Variants in CEP128 observed in about 807,000 individuals in gnomAD.
CEP128 encodes the protein centrosomal protein 128.
CEP128 carries 132 observed loss-of-function variants against 156.7 expected under a neutral mutation model. The observed-to-expected ratio is 0.84, with a 90% CI of 0.73 to 0.97. The LOEUF (loss-of-function observed/expected upper bound fraction) is 0.97, where lower values mean the gene tolerates loss of function less well. Ranked by LOEUF, CEP128 falls within the 50% of genes least tolerant of loss-of-function variation. The pLI is 0.00. For synonymous variants in CEP128, 469 were observed against 448.9 expected, an observed-to-expected ratio of 1.04 and a Z score of -0.57; for missense variants, 1,252 against 1,281.9, an observed-to-expected ratio of 0.98 and a Z score of 0.36.
Position 80,792,774 on chromosome 14 carries a change from C to T in CEP128, c.1546G>A (p.Gly516Ser). 6.2e-7 allele frequency: 1 copy of T among 1,613,626 alleles called. No individual in the cohort carries two copies. The highest frequency in any genetic ancestry group is 8.5e-7 in the Non-Finnish European group (1 of 1,179,614). The change falls in exon 14 of 25, where the codon GGC (glycine) becomes AGC (serine). Residue 516 changes from glycine (G) to serine (S), a missense_variant. By Grantham distance (56) the Gly-to-Ser change is moderately conservative. Coordinates refer to ENST00000555265, the MANE Select transcript of CEP128 (RefSeq NM_152446.5). The part of the protein sequence containing the change: ...KQSETVDELT[G>S]KNNQILKEKD... ...GGCTTTTATACCTGATTATTCTTGC[C>T]TGTCAGTTCATCAACAGTTTCAGAT...
chr14:80,606,433 A>G (rs779041732), intron 19 of CEP128, among the ~76,000 whole-genome samples: 1 of 152,084 alleles, frequency 6.6e-6, no homozygotes, highest in Non-Finnish European at 1.5e-5. Context: ...AGGCTCTGTA[A>G]ACACTACCAG....
chr14:80,820,082 A>G (rs546309316), intron 13 of CEP128, among the ~76,000 whole-genome samples: 18 of 152,310 alleles, frequency 1.2e-4, no homozygotes, highest in African/African-American at 4.3e-4. Flanking sequence ...AATTTCAATT[A>G]TATTTTGGAT....
intron 19 of CEP128, among the ~76,000 whole-genome samples, chr14:80,595,237 C>T (rs936919991): frequency 6.6e-6 from 1 of 152,016 alleles, no homozygotes; most frequent in Non-Finnish European, 1.5e-5. Context: ...AACCAAACAC[C>T]GTGTGTTCTC....
At chr14:80,932,641 G>T (rs1027260246) in intron 2 of CEP128, among the ~76,000 whole-genome samples, 2 of 152,106 alleles carry the variant, frequency 1.3e-5, no homozygotes, top group African/African-American at 4.8e-5. Flanking sequence ...CCCAAGACGG[G>T]ACTGTCTAGT....
At chr14:80,682,899 A>G (rs1177143972) in intron 19 of CEP128, among the ~76,000 whole-genome samples, 1 of 152,158 alleles carries the variant, frequency 6.6e-6, no homozygotes, top group Non-Finnish European at 1.5e-5. Context: ...GTGCTAAGGG[A>G]ATTTGTTACC....
At chr14:80,905,242 C>G (rs1883816598) in intron 5 of CEP128, among the ~76,000 whole-genome samples, 1 of 151,994 alleles carries the variant, frequency 6.6e-6, no homozygotes, top group South Asian at 2.1e-4. Context: ...ATAAAAAACT[C>G]ATATGACCCC....
At chr14:80,880,865 A>AAATAATAATAAT (rs375304920) in intron 8 of CEP128, among the ~76,000 whole-genome samples, 14 of 124,994 alleles carry the variant, frequency 1.1e-4, no homozygotes, top group Non-Finnish European at 1.8e-4. Flanking sequence ...TCCATCTCAA[A>AAATAATAATAAT]AATAATAATA....
intron 19 of CEP128, among the ~76,000 whole-genome samples, chr14:80,660,855 C>A (rs942680445): frequency 1.3e-5 from 2 of 152,020 alleles, no homozygotes; most frequent in African/African-American, 4.8e-5. Flanking sequence ...ACACATACAC[C>A]CTGAGACATT....
intron 2 of CEP128, among the ~76,000 whole-genome samples, chr14:80,935,679 A>G (rs188637799): frequency 5.8e-4 from 84 of 145,204 alleles, no homozygotes; most frequent in Admixed American, 1.2e-3. Flanking sequence ...CAGAACACAC[A>G]TGAGCTAGCT....
At chr14:80,611,698 C>A (rs1026604362) in intron 19 of CEP128, among the ~76,000 whole-genome samples, 1 of 152,076 alleles carries the variant, frequency 6.6e-6, no homozygotes, top group Non-Finnish European at 1.5e-5. Context: ...TCTAAGTATT[C>A]CCAAAGTTAA....
intron 20 of CEP128, among the ~76,000 whole-genome samples, chr14:80,577,946 C>T (rs1891427632): frequency 6.6e-6 from 1 of 152,146 alleles, no homozygotes; most frequent in Admixed American, 6.6e-5. Flanking sequence ...CTGCTAACTC[C>T]TAGTTATCAT....
At chr14:80,904,098 T>C (rs1883740020) in intron 6 of CEP128, among the ~76,000 whole-genome samples, 1 of 152,120 alleles carries the variant, frequency 6.6e-6, no homozygotes, top group African/African-American at 2.4e-5. Flanking sequence ...TAAGTGTCTA[T>C]CAGTGAATGA....
At chr14:80,816,081 C>T (rs895370613) in intron 13 of CEP128, among the ~76,000 whole-genome samples, 4 of 152,032 alleles carry the variant, frequency 2.6e-5, no homozygotes, top group Non-Finnish European at 4.4e-5. Context: ...GAAAACTACA[C>T]TTATACCCCT....
chr14:80,921,942 G>A (rs147524540), intron 2 of CEP128, among the ~76,000 whole-genome samples: 3,746 of 148,080 alleles, frequency 0.025, 64 homozygotes, highest in Middle Eastern at 0.06. Context: ...CAGCTGGGGC[G>A]ACAACCGAGA....
intron 2 of CEP128, among the ~76,000 whole-genome samples, chr14:80,918,424 A>G (rs2139516020): frequency 6.6e-6 from 1 of 152,372 alleles, no homozygotes; most frequent in African/African-American, 2.4e-5. Flanking sequence ...GCCAAGTACT[A>G]TGCAGATGCT....
At chr14:80,758,707 T>C (rs1002901433) in intron 17 of CEP128, among the ~76,000 whole-genome samples, 2 of 152,150 alleles carry the variant, frequency 1.3e-5, no homozygotes, top group African/African-American at 2.4e-5. Context: ...AGAAGCCATA[T>C]GTATTTGTGA....
At chr14:80,542,101 C>G (rs1341532538) in intron 21 of CEP128, among the ~76,000 whole-genome samples, 1 of 152,196 alleles carries the variant, frequency 6.6e-6, no homozygotes, top group Non-Finnish European at 1.5e-5. Context: ...ATTCTCTGAG[C>G]CTTTCCTCTA....
chr14:80,541,715 C>T (rs1340932737), intron 21 of CEP128, among the ~76,000 whole-genome samples: 1 of 152,068 alleles, frequency 6.6e-6, no homozygotes, highest in East Asian at 1.9e-4. Flanking sequence ...TTGCTTCTGT[C>T]CTGAAAGCTT....
intron 19 of CEP128, among the ~76,000 whole-genome samples, chr14:80,734,745 G>A (rs1206139024): frequency 6.6e-6 from 1 of 150,472 alleles, no homozygotes; most frequent in Non-Finnish European, 1.5e-5. Context: ...CTACTTGGGA[G>A]GCTGAGGCAA....
Sources: allele counts gnomAD v4.1 joint callset (sites outside exome capture counted in the v4.1 genomes callset), GRCh38; gene constraint gnomAD v4.1.1; transcripts MANE v1.5; gene names NCBI Gene and HGNC (gene_info 2026-07-23, HGNC 2026-07-21).